Variants in APP observed in about 807,000 individuals in gnomAD.
APP encodes the protein amyloid beta precursor protein.
In APP, 31 loss-of-function variants were observed where a neutral mutation model predicts 101.4. That is an observed-to-expected ratio of 0.31 (90% CI 0.23 to 0.41). The LOEUF (loss-of-function observed/expected upper bound fraction) is 0.41. Among genes scored for constraint, APP ranks in the 10% least tolerant of loss-of-function variants. APP has a pLI of 1.00. For synonymous variants in APP, 366 were observed against 364.4 expected (o/e 1.00, Z -0.05); for missense variants, 839 against 1,003.7 (o/e 0.84, Z 2.22).
intron 1 of APP, among the ~76,000 whole-genome samples, chr21:26,152,043 G>A (rs866708834): frequency 3.9e-5 from 6 of 152,146 alleles, no homozygotes; most frequent in South Asian, 4.2e-4. Context: ...TTGGGAGGCC[G>A]AGGCGGGGGG....
At chr21:25,883,790 A>T (rs1417097321) in intron 17 of APP, among the ~76,000 whole-genome samples, 1 of 152,222 alleles carries the variant, frequency 6.6e-6, no homozygotes, top group Non-Finnish European at 1.5e-5. Context: ...GACTCTTTTC[A>T]GTCTGGGAGT....
intron 13 of APP, among the ~76,000 whole-genome samples, chr21:25,949,523 T>C (rs1481047472): frequency 6.6e-6 from 1 of 152,308 alleles, no homozygotes; most frequent in South Asian, 2.1e-4. Context: ...TGGTCAGGTC[T>C]TTAGGGTTAC....
chr21:25,921,479 C>T (rs1241701431), intron 13 of APP, among the ~76,000 whole-genome samples: 11 of 148,210 alleles, frequency 7.4e-5, no homozygotes, highest in Admixed American at 4.7e-4. Context: ...TGATAGACCG[C>T]TAGCAAGACT....
At chr21:26,010,220 A>C (rs966139193) in intron 6 of APP, among the ~76,000 whole-genome samples, 4 of 152,048 alleles carry the variant, frequency 2.6e-5, no homozygotes, top group African/African-American at 9.7e-5. Flanking sequence ...GAACAAAAAA[A>C]AAAAAAAACA....
chr21:26,084,707 A>T (rs1045886993), intron 3 of APP, among the ~76,000 whole-genome samples: 13 of 152,214 alleles, frequency 8.5e-5, no homozygotes, highest in African/African-American at 3.1e-4. Flanking sequence ...GGGAAAAAAA[A>T]TTAAGGAAGA....
chr21:25,987,021 C>A (rs1382070480), intron 8 of APP, among the ~76,000 whole-genome samples: 1 of 152,194 alleles, frequency 6.6e-6, no homozygotes, highest in African/African-American at 2.4e-5. Flanking sequence ...TAGTAAAGGG[C>A]CAATCCATCC....
intron 17 of APP, among the ~76,000 whole-genome samples, chr21:25,891,448 G>C (rs1188877472): frequency 6.6e-6 from 1 of 151,520 alleles, no homozygotes; most frequent in African/African-American, 2.4e-5. Flanking sequence ...CTTTTTTAAA[G>C]TCATGCATTA....
chr21:26,075,883 T>C (rs1251352081), intron 3 of APP, among the ~76,000 whole-genome samples: 1 of 152,062 alleles, frequency 6.6e-6, no homozygotes, highest in Admixed American at 6.6e-5. Flanking sequence ...CATGAATATA[T>C]TTATTTATTT....
At chr21:25,974,745 G>C (rs1189854288) in intron 11 of APP, among the ~76,000 whole-genome samples, 3 of 152,098 alleles carry the variant, frequency 2.0e-5, no homozygotes, top group African/African-American at 7.2e-5. Flanking sequence ...TCCAGCTTTT[G>C]TGTTCGAACT....
chr21:25,902,218 A>T (rs1292718765), intron 15 of APP, among the ~76,000 whole-genome samples: 1 of 152,192 alleles, frequency 6.6e-6, no homozygotes, highest in African/African-American at 2.4e-5. Flanking sequence ...GACAACAGTG[A>T]TTATTCAAAA....
At chr21:25,982,260 A>G in intron 9 of APP, 84 bp downstream of exon 9, 1 of 1,370,406 alleles carries the variant, frequency 7.3e-7, no homozygotes, top group Non-Finnish European at 1.0e-6. Flanking sequence ...TGATAAAGCC[A>G]GCAGGCCTGT....
At chr21:26,016,813 G>A (rs955185558) in intron 6 of APP, among the ~76,000 whole-genome samples, 11 of 152,170 alleles carry the variant, frequency 7.2e-5, no homozygotes, top group South Asian at 6.2e-4. Flanking sequence ...CTCGTTATCC[G>A]CCTGCCTCGG....
chr21:25,990,796 T>C (rs1400399201), intron 8 of APP, among the ~76,000 whole-genome samples: 1 of 406 alleles, frequency 2.5e-3, no homozygotes. Context: ...AATAAAATTA[T>C]CAGGTATTGA....
chr21:25,899,695 G>A (rs774172339), intron 15 of APP, among the ~76,000 whole-genome samples: 3 of 152,214 alleles, frequency 2.0e-5, no homozygotes, highest in Non-Finnish European at 4.4e-5. Context: ...CACTGTGCCA[G>A]AACCATCCAG....
At chr21:25,986,526 A>T (rs1422361746) in intron 8 of APP, among the ~76,000 whole-genome samples, 1 of 152,120 alleles carries the variant, frequency 6.6e-6, no homozygotes, top group Non-Finnish European at 1.5e-5. Flanking sequence ...CCCCGTCTCT[A>T]CTAAAATAAA....
chr21:26,159,228 T>C (rs1325108988), intron 1 of APP, among the ~76,000 whole-genome samples: 1 of 152,080 alleles, frequency 6.6e-6, no homozygotes, highest in Non-Finnish European at 1.5e-5. Flanking sequence ...TACAGGTGCC[T>C]GTCACCACGC....
At chr21:26,004,562 G>C (rs965927730) in intron 6 of APP, among the ~76,000 whole-genome samples, 2 of 152,076 alleles carry the variant, frequency 1.3e-5, no homozygotes, top group Non-Finnish European at 2.9e-5. Context: ...AAAGTGCTGG[G>C]ATTACAGGCG....
chr21:25,952,365 C>T (rs2041126108), intron 13 of APP, among the ~76,000 whole-genome samples: 2 of 136,468 alleles, frequency 1.5e-5, no homozygotes, highest in East Asian at 2.1e-4. Context: ...GTTCTTAATC[C>T]AACCTAATGG....
At chr21:25,890,876 G>A (rs2037650432) in intron 17 of APP, among the ~76,000 whole-genome samples, 1 of 152,034 alleles carries the variant, frequency 6.6e-6, no homozygotes, top group Admixed American at 6.5e-5. Context: ...AAATCTTTCA[G>A]CTCTAAAAAT....
Sources: gnomAD v4.1 joint callset for allele counts (sites outside exome capture counted in the v4.1 genomes callset) on GRCh38, gnomAD v4.1.1 for gene constraint, MANE v1.5 for transcripts, NCBI Gene and HGNC (gene_info 2026-07-23, HGNC 2026-07-21) for gene names.